Variants in NFAT5 observed in about 807,000 individuals in gnomAD.
The protein encoded by NFAT5 is nuclear factor of activated T cells 5.
NFAT5 carries 31 observed loss-of-function variants against 166.5 expected under a neutral mutation model. That is an observed-to-expected ratio of 0.19 (90% CI 0.14 to 0.25). NFAT5 has a LOEUF of 0.25. Among genes scored for constraint, NFAT5 ranks in the 10% least tolerant of loss-of-function variants. The pLI, the probability that NFAT5 is intolerant of heterozygous loss-of-function variation, is 1.00. For missense variants in NFAT5, 1,449 were observed against 1,821.8 expected (o/e 0.80, Z 3.72); for synonymous variants, 612 against 639.7 (o/e 0.96, Z 0.65).
chr16:69,683,867 G>T (rs1322581218), intron 10 of NFAT5, among the ~76,000 whole-genome samples: 1 of 152,160 alleles, frequency 6.6e-6, no homozygotes, highest in Non-Finnish European at 1.5e-5. Flanking sequence ...GGGAAGCCAA[G>T]GTGGGCAGAT....
At chr16:69,675,596 G>A (rs1472485073) in intron 9 of NFAT5, among the ~76,000 whole-genome samples, 1 of 152,050 alleles carries the variant, frequency 6.6e-6, no homozygotes, top group Non-Finnish European at 1.5e-5. Flanking sequence ...AACTTAGGAG[G>A]CATTCTGTTA....
At chr16:69,674,697 ATT>A (rs2036762974) in intron 9 of NFAT5, among the ~76,000 whole-genome samples, 1 of 152,190 alleles carries the variant, frequency 6.6e-6, no homozygotes, top group Non-Finnish European at 1.5e-5. Flanking sequence ...AATTGTAGAT[ATT>A]CTAATTATGT....
At chr16:69,584,662 G>T (rs925802434) in intron 2 of NFAT5, among the ~76,000 whole-genome samples, 2 of 151,974 alleles carry the variant, frequency 1.3e-5, no homozygotes, top group Non-Finnish European at 2.9e-5. Flanking sequence ...GGTGGCATGT[G>T]CCTGTTGTCC....
At chr16:69,689,312 AT>A (rs918091417) in intron 11 of NFAT5, among the ~76,000 whole-genome samples, 33 of 152,260 alleles carry the variant, frequency 2.2e-4, no homozygotes, top group African/African-American at 7.5e-4. Context: ...TGTTAGGGGA[AT>A]TGTATTGGTA....
intron 3 of NFAT5, among the ~76,000 whole-genome samples, chr16:69,643,842 G>C (rs2035322170): frequency 6.6e-6 from 1 of 152,070 alleles, no homozygotes; most frequent in Admixed American, 6.6e-5. Flanking sequence ...CAGTGCTTTC[G>C]AAGTGCTCAC....
chr16:69,609,499 G>A (rs887129692), intron 2 of NFAT5, among the ~76,000 whole-genome samples: 1 of 152,136 alleles, frequency 6.6e-6, no homozygotes, highest in African/African-American at 2.4e-5. Context: ...GCAGTTGTAC[G>A]GAAAGTAAGG....
chr16:69,640,993 A>G (rs1163555006), intron 3 of NFAT5, among the ~76,000 whole-genome samples: 1 of 150,910 alleles, frequency 6.6e-6, no homozygotes, highest in Admixed American at 6.6e-5. Context: ...AAAGAAAAAA[A>G]AAAAGGCCGG....
intron 3 of NFAT5, 144 bp from the exon 4 acceptor site, chr16:69,646,884 A>G: frequency 2.9e-6 from 2 of 694,610 alleles, no homozygotes; most frequent in Non-Finnish European, 2.3e-6. Flanking sequence ...TGCTTGAAGC[A>G]TTTATATTCT....
chr16:69,601,800 T>C (rs1227221537), intron 2 of NFAT5, among the ~76,000 whole-genome samples: 3 of 152,236 alleles, frequency 2.0e-5, no homozygotes, highest in South Asian at 2.1e-4. Flanking sequence ...CCCCCTGTAC[T>C]GGTATGAGTA....
intron 10 of NFAT5, among the ~76,000 whole-genome samples, chr16:69,680,191 A>C (rs1023892785): frequency 2.0e-4 from 31 of 152,236 alleles, no homozygotes; most frequent in Non-Finnish European, 3.8e-4. Flanking sequence ...ATTGACATTT[A>C]ATGTTTGGCA....
chr16:69,634,610 TATC>T (rs1379250827), intron 3 of NFAT5, among the ~76,000 whole-genome samples: 2 of 152,200 alleles, frequency 1.3e-5, no homozygotes, highest in African/African-American at 4.8e-5. Flanking sequence ...TACAGGGTAT[TATC>T]ATCAACTAAA....
intron 2 of NFAT5, among the ~76,000 whole-genome samples, chr16:69,610,951 T>G (rs2033679175): frequency 6.6e-6 from 1 of 152,158 alleles, no homozygotes; most frequent in African/African-American, 2.4e-5. Context: ...GAAAGCTTTT[T>G]GGGAGCAGAC....
intron 6 of NFAT5, among the ~76,000 whole-genome samples, chr16:69,658,813 C>T (rs886268432): frequency 6.6e-6 from 1 of 151,858 alleles, no homozygotes; most frequent in African/African-American, 2.4e-5. Flanking sequence ...GGTGACAGAG[C>T]GAGACTCTGT....
intron 7 of NFAT5, among the ~76,000 whole-genome samples, chr16:69,669,659 A>G (rs549013367): frequency 6.6e-6 from 1 of 152,372 alleles, no homozygotes; most frequent in East Asian, 1.9e-4. Flanking sequence ...ATAACACACA[A>G]TTTAAAAGAA....
chr16:69,647,183 G>C lies in NFAT5; in HGVS notation c.409G>C (p.Val137Leu). The change falls in exon 4 of 15, where the codon GTA becomes CTA. Residue 137 changes from valine to leucine, a missense_variant. Physicochemically the swap from Val to Leu is conservative, Grantham distance 32. This residue lies in a region of NFAT5 where 172 missense variants were observed against 194.5 expected (regional missense o/e 0.88). Transcript: ENST00000349945. The surrounding 1 kb of genome is among the most constrained non-coding windows in gnomAD (Gnocchi z 4.8). The stretch of plus-strand genomic sequence containing the variant: ...AGCCGTGGGGGTAAGTAACAGAGGG[G>C]TAAGTGAAAAGCAGTTAACCAGTAA... ...SSAVGVSNRGVSEKQLTSNTV... is the reference protein window; with the variant it reads ...SSAVGVSNRGLSEKQLTSNTV... 1 of 1,614,096 alleles carries C rather than the reference G, an allele frequency of 6.2e-7. No individual in the cohort carries two copies. Among genetic ancestry groups the C allele is most frequent in the Non-Finnish European group, 8.5e-7 (1 of 1,179,978 alleles).
chr16:69,653,483 A>AT, intron 5 of NFAT5, 55 bp downstream of exon 5: 1 of 1,083,020 alleles, frequency 9.2e-7, no homozygotes, highest in Non-Finnish European at 1.3e-6. Context: ...GGGAATGAGA[A>AT]TATGTCCTGA....
chr16:69,584,262 G>A (rs563115433), intron 2 of NFAT5, among the ~76,000 whole-genome samples: 4 of 151,148 alleles, frequency 2.6e-5, no homozygotes, highest in Middle Eastern at 3.4e-3. Context: ...TATTTAATCT[G>A]TAAAGATAAG....
At chr16:69,681,559 C>CT (rs1196642350) in intron 10 of NFAT5, among the ~76,000 whole-genome samples, 1 of 152,130 alleles carries the variant, frequency 6.6e-6, no homozygotes, top group Non-Finnish European at 1.5e-5. Flanking sequence ...CCTTTGATAC[C>CT]TTAATCAGTG....
At chr16:69,608,005 G>A (rs1041003913) in intron 2 of NFAT5, among the ~76,000 whole-genome samples, 1 of 152,062 alleles carries the variant, frequency 6.6e-6, no homozygotes, top group African/African-American at 2.4e-5. Flanking sequence ...TGCTTAAAAA[G>A]AAATTAGAAA....
Sources: gnomAD v4.1 joint callset for allele counts (sites outside exome capture counted in the v4.1 genomes callset) on GRCh38, gnomAD v4.1.1 for gene constraint, gnomAD v4.1.1 regional missense constraint, Gnocchi (gnomAD v3.1) non-coding constraint, MANE v1.5 for transcripts, NCBI Gene and HGNC (gene_info 2026-07-23, HGNC 2026-07-21) for gene names.